NT5C2: variants seen among roughly 807,000 people sequenced by gnomAD.
The protein encoded by NT5C2 is 5'-nucleotidase, cytosolic II.
Under a neutral mutation model 76.1 loss-of-function variants are expected in NT5C2, and 58 were observed. The ratio of observed to expected loss-of-function variants is 0.76; its 90% CI spans 0.62 to 0.95. NT5C2 has a LOEUF of 0.95. NT5C2 is among the 40% of genes least tolerant of loss of function. The pLI is 0.00. For missense variants in NT5C2, 478 were observed against 690.3 expected (o/e 0.69, Z 3.45); for synonymous variants, 229 against 237.4 (o/e 0.96, Z 0.32).
chr10:103,170,518 C>A (rs1202857910), intron 3 of NT5C2, among the ~76,000 whole-genome samples: 1 of 147,596 alleles, frequency 6.8e-6, no homozygotes, highest in African/African-American at 2.5e-5. Context: ...AGCACACACA[C>A]ATGCACACTT....
intron 2 of NT5C2, among the ~76,000 whole-genome samples, chr10:103,176,258 T>C (rs943226185): frequency 6.6e-6 from 1 of 152,180 alleles, no homozygotes; most frequent in Admixed American, 6.5e-5. Flanking sequence ...ATCAGCGATC[T>C]GGTTTTCCTC....
At position 103,193,249 on chromosome 10, in the gene NT5C2, C is replaced by G. The variant is rs941631862; in HGVS notation, c.-182G>C. On this transcript the variant is annotated 5_prime_UTR_variant, in exon 1 of 19. Transcript: ENST00000404739. ...CGCCGCACTCACCGGCTCCAGCGCA[C>G]CGCAACAATCCCAGCGCGCAACTGC... 2 of 152,328 alleles carry G rather than the reference C, an allele frequency of 1.3e-5. No homozygotes were observed. Among genetic ancestry groups the G allele is most frequent in the Admixed American group, 6.6e-5 (1 of 15,182 alleles). The allele number at this position is 152,328 out of a possible 1,614,324, so 9.4% of individuals were successfully genotyped here.
chr10:103,106,419 A>G (rs755656920), intron 5 of NT5C2, among the ~76,000 whole-genome samples, 170 bp downstream of exon 5: 29 of 152,196 alleles, frequency 1.9e-4, no homozygotes, highest in Admixed American at 5.9e-4. Flanking sequence ...GTGTATATGG[A>G]AAGTTCATGG....
chr10:103,133,827 G>A (rs2078692721), intron 4 of NT5C2, among the ~76,000 whole-genome samples: 1 of 152,158 alleles, frequency 6.6e-6, no homozygotes, highest in Non-Finnish European at 1.5e-5. Flanking sequence ...AGTGACATGG[G>A]CAACAAATTC....
intron 8 of NT5C2, 141 bp downstream of exon 8, chr10:103,100,904 C>T (rs1176630686): frequency 2.8e-6 from 2 of 707,742 alleles, no homozygotes; most frequent in Non-Finnish European, 5.2e-6. Flanking sequence ...TCCCATCTCT[C>T]AGGTTGGCAA....
intron 3 of NT5C2, among the ~76,000 whole-genome samples, chr10:103,162,840 ACT>A (rs901646064): frequency 3.3e-5 from 5 of 152,172 alleles, no homozygotes; most frequent in South Asian, 2.1e-4. Context: ...TTTAAAATAC[ACT>A]GTTTATGTAT....
chr10:103,090,847 T>C (rs2066605223), intron 17 of NT5C2, 60 bp from the exon 18 acceptor site: 12 of 1,595,650 alleles, frequency 7.5e-6, no homozygotes, highest in African/African-American at 2.7e-5. Flanking sequence ...TGAGCAGTAG[T>C]TGAATGCTAG....
chr10:103,122,131 C>T (rs2075791871), intron 4 of NT5C2, among the ~76,000 whole-genome samples: 1 of 152,142 alleles, frequency 6.6e-6, no homozygotes, highest in Admixed American at 6.5e-5. Flanking sequence ...CCGAGATCAC[C>T]CCACTGCACT....
intron 11 of NT5C2, 138 bp from the exon 12 acceptor site, chr10:103,096,118 T>G (rs1814211091): frequency 1.6e-6 from 1 of 642,882 alleles, no homozygotes; most frequent in South Asian, 2.1e-5. Context: ...CTAAATTTTA[T>G]GAAATCATGG....
intron 3 of NT5C2, among the ~76,000 whole-genome samples, chr10:103,148,899 C>T (rs1483914909): frequency 6.6e-6 from 1 of 151,926 alleles, no homozygotes; most frequent in Non-Finnish European, 1.5e-5. Context: ...CAAGTCACAG[C>T]CTAGGAGATT....
intron 9 of NT5C2, 53 bp downstream of exon 9, chr10:103,099,873 G>A (rs1225529738): frequency 6.3e-6 from 7 of 1,118,366 alleles, no homozygotes; most frequent in Non-Finnish European, 9.4e-6. Context: ...TTAATGCCAC[G>A]CCATAAAATA....
intron 2 of NT5C2, among the ~76,000 whole-genome samples, chr10:103,175,321 T>G (rs911488194): frequency 1.3e-5 from 2 of 152,204 alleles, no homozygotes; most frequent in African/African-American, 4.8e-5. Flanking sequence ...TTTAAGTTGA[T>G]GTATGTTTTT....
chr10:103,139,680 A>T (rs1032049674), intron 3 of NT5C2, among the ~76,000 whole-genome samples: 2 of 152,226 alleles, frequency 1.3e-5, no homozygotes, highest in Admixed American at 1.3e-4. Flanking sequence ...CAGTGAAATG[A>T]TTAATACAGT....
intron 3 of NT5C2, among the ~76,000 whole-genome samples, chr10:103,163,776 G>C (rs1015123043): frequency 3.3e-5 from 5 of 151,070 alleles, no homozygotes; most frequent in African/African-American, 1.2e-4. Flanking sequence ...CAGCACTTTG[G>C]GAGGCTGAGG....
chr10:103,169,258 GACATAT>G (rs1232315716), intron 3 of NT5C2: 4 of 152,128 alleles, frequency 2.6e-5, no homozygotes, highest in South Asian at 2.1e-4. Flanking sequence ...TGTTTAAAAA[GACATAT>G]ACATATACAC....
intron 3 of NT5C2, chr10:103,153,412 T>C (rs2082745736): frequency 1.6e-5 from 18 of 1,142,084 alleles, no homozygotes; most frequent in Non-Finnish European, 1.7e-5. Context: ...ACTCAGGCCC[T>C]GAGAGGCCCA....
chr10:103,178,833 CAA>C (rs551425186), intron 2 of NT5C2, among the ~76,000 whole-genome samples: 15 of 96,806 alleles, frequency 1.5e-4, no homozygotes, highest in Admixed American at 3.2e-4. Context: ...AAGACTGTCT[CAA>C]AAAAAAAAAA....
chr10:103,189,969 C>T (rs895356044), intron 1 of NT5C2, among the ~76,000 whole-genome samples: 6 of 148,554 alleles, frequency 4.0e-5, no homozygotes, highest in East Asian at 4.0e-4. Context: ...CGCACCTGGC[C>T]GGTTTGCCGC....
At chr10:103,089,960 C>T in intron 18 of NT5C2, 52 bp from the exon 19 acceptor site, 4 of 1,464,964 alleles carry the variant, frequency 2.7e-6, no homozygotes, top group Non-Finnish European at 1.8e-6. Flanking sequence ...AAAGTAGCTA[C>T]TCCCCAAATC....
Sources: allele counts gnomAD v4.1 joint callset (sites outside exome capture counted in the v4.1 genomes callset), GRCh38; gene constraint gnomAD v4.1.1; transcripts MANE v1.5; gene names NCBI Gene and HGNC (gene_info 2026-07-23, HGNC 2026-07-21).